Variants in VPS13B observed in about 807,000 individuals in gnomAD.
The protein encoded by VPS13B is vacuolar protein sorting 13 homolog B.
Under a neutral mutation model 426.4 loss-of-function variants are expected in VPS13B, and 285 were observed. The ratio of observed to expected loss-of-function variants is 0.67; its 90% CI spans 0.61 to 0.74. The LOEUF (loss-of-function observed/expected upper bound fraction) is 0.74, where lower values mean the gene tolerates loss of function less well. Among genes scored for constraint, VPS13B ranks in the 30% least tolerant of loss-of-function variants. The probability of loss-of-function intolerance (pLI) is 0.00; values close to 1 mark genes in which losing one functional copy is unlikely to be tolerated. For synonymous variants in VPS13B, 1,676 were observed against 1,676.4 expected (o/e 1.00, Z 0.01); for missense variants, 4,537 against 4,782.6 (o/e 0.95, Z 1.51).
chr8:99,800,668 A>G (rs1813075986), intron 43 of VPS13B, among the ~76,000 whole-genome samples: 1 of 152,118 alleles, frequency 6.6e-6, no homozygotes, highest in Admixed American at 6.6e-5. Flanking sequence ...TTTTGTAGAA[A>G]ATAATTTAAA....
chr8:99,123,147 A>C (rs1848033137), intron 8 of VPS13B, among the ~76,000 whole-genome samples: 1 of 142,562 alleles, frequency 7.0e-6, no homozygotes. Context: ...AAAAAAAAAG[A>C]AAGAAAGAAA....
chr8:99,103,153 C>G (rs1846850934), intron 5 of VPS13B, 33 bp downstream of exon 5: 1 of 1,610,926 alleles, frequency 6.2e-7, no homozygotes, highest in African/African-American at 1.3e-5. Context: ...GTATATTTTT[C>G]CATAATTGAA....
At chr8:99,428,529 A>G (rs1816872528) in intron 21 of VPS13B, among the ~76,000 whole-genome samples, 1 of 152,226 alleles carries the variant, frequency 6.6e-6, no homozygotes, top group South Asian at 2.1e-4. Context: ...AGACACATGA[A>G]AAAATGCTCA....
At chr8:99,111,822 A>G (rs1285180974) in intron 6 of VPS13B, among the ~76,000 whole-genome samples, 2 of 152,100 alleles carry the variant, frequency 1.3e-5, no homozygotes, top group African/African-American at 4.8e-5. Flanking sequence ...CTGCATTTTC[A>G]TTTAAGATTA....
intron 23 of VPS13B, among the ~76,000 whole-genome samples, chr8:99,458,532 C>T (rs1207466432): frequency 6.6e-6 from 1 of 151,992 alleles, no homozygotes; most frequent in Non-Finnish European, 1.5e-5. Flanking sequence ...TACAGTCCCA[C>T]CAACAGTGTA....
At chr8:99,116,956 C>CAG (rs1847691667) in intron 7 of VPS13B, among the ~76,000 whole-genome samples, 1 of 152,024 alleles carries the variant, frequency 6.6e-6, no homozygotes, top group Non-Finnish European at 1.5e-5. Flanking sequence ...TAAAATGGGA[C>CAG]AGATAGACAT....
chr8:99,266,614 G>A (rs1328922103), intron 17 of VPS13B, among the ~76,000 whole-genome samples: 4 of 152,100 alleles, frequency 2.6e-5, no homozygotes, highest in Non-Finnish European at 1.5e-5. Flanking sequence ...ATCATGGGGG[G>A]TGGTTACCCT....
At chr8:99,686,300 T>G (rs2130033327) in intron 35 of VPS13B, among the ~76,000 whole-genome samples, 1 of 152,272 alleles carries the variant, frequency 6.6e-6, no homozygotes. Flanking sequence ...GTGGCCACTG[T>G]GCTGAGTCAT....
rs575292206 is a variant in VPS13B at position 99,180,240 on chromosome 8, C to T, written c.2333+10077C>T. 1.4e-4 allele frequency among the ~76,000 whole-genome samples: 21 copies of T among 152,254 alleles called. No individual in the cohort carries two copies. The South Asian group carries it at 3.5e-3, about 26-fold the overall frequency. ...ACCATTATTTAAGCTGTTCCATATT[C>T]CGTAATACTAGCACCACTTTTTGGC... On this transcript the variant is annotated intron_variant, in intron 16 of 61. Coordinates refer to ENST00000357162, the MANE Select transcript of VPS13B (RefSeq NM_152564.5).
chr8:99,388,153 A>G (rs1204735155), intron 20 of VPS13B, among the ~76,000 whole-genome samples: 1 of 152,180 alleles, frequency 6.6e-6, no homozygotes, highest in Non-Finnish European at 1.5e-5. Flanking sequence ...GCACTTATAT[A>G]TATTTTTCTA....
At chr8:99,235,785 C>T (rs755664143) in intron 17 of VPS13B, among the ~76,000 whole-genome samples, 56 of 152,168 alleles carry the variant, frequency 3.7e-4, no homozygotes, top group Middle Eastern at 3.4e-3. Context: ...TTTCGTTTTC[C>T]CTCAGTTCTT....
At chr8:99,393,876 T>G (rs1319342998) in intron 21 of VPS13B, among the ~76,000 whole-genome samples, 1 of 152,186 alleles carries the variant, frequency 6.6e-6, no homozygotes, top group Non-Finnish European at 1.5e-5. Context: ...AATTAAAGGA[T>G]ACAGTCTTCT....
intron 35 of VPS13B, among the ~76,000 whole-genome samples, chr8:99,677,044 A>C (rs1382123543): frequency 6.6e-6 from 1 of 152,170 alleles, no homozygotes; most frequent in Non-Finnish European, 1.5e-5. Context: ...TGAACCCAGG[A>C]GGCAGAAGGT....
At chr8:99,228,818 T>C (rs972715731) in intron 17 of VPS13B, among the ~76,000 whole-genome samples, 1 of 152,170 alleles carries the variant, frequency 6.6e-6, no homozygotes. Context: ...TGGTAAGTAC[T>C]GCTGGACGTT....
At chr8:99,661,297 C>G (rs1039257762) in intron 34 of VPS13B, 57 bp from the exon 35 acceptor site, 2 of 1,603,344 alleles carry the variant, frequency 1.2e-6, no homozygotes, top group African/African-American at 2.7e-5. Flanking sequence ...ACTCATATAT[C>G]AAAATGAGAT....
chr8:99,296,759 A>C (rs569170988), intron 19 of VPS13B, among the ~76,000 whole-genome samples: 1 of 152,256 alleles, frequency 6.6e-6, no homozygotes, highest in East Asian at 1.9e-4. Flanking sequence ...GGAAGCACTC[A>C]TCTTTCCTTA....
chr8:99,280,865 C>G (rs1819136803), intron 19 of VPS13B, among the ~76,000 whole-genome samples: 1 of 152,004 alleles, frequency 6.6e-6, no homozygotes. Context: ...CTTTTTTTCA[C>G]CCTTCCTTTC....
intron 34 of VPS13B, among the ~76,000 whole-genome samples, chr8:99,644,780 T>A (rs1245238282): frequency 1.3e-5 from 2 of 152,096 alleles, no homozygotes; most frequent in African/African-American, 4.8e-5. Flanking sequence ...TCTAGGGAAA[T>A]TTTTTTCAGA....
intron 33 of VPS13B, among the ~76,000 whole-genome samples, chr8:99,614,541 G>A (rs1316996075): frequency 6.6e-6 from 1 of 151,958 alleles, no homozygotes; most frequent in Non-Finnish European, 1.5e-5. Flanking sequence ...GCCTCCCAAA[G>A]TGCTGGGATT....
Sources: gnomAD v4.1 joint callset for allele counts (sites outside exome capture counted in the v4.1 genomes callset) on GRCh38, gnomAD v4.1.1 for gene constraint, MANE v1.5 for transcripts, NCBI Gene and HGNC (gene_info 2026-07-23, HGNC 2026-07-21) for gene names.